Variants in MSRA observed in about 807,000 individuals in gnomAD.
The protein encoded by MSRA is methionine sulfoxide reductase A.
Under a neutral mutation model 31.3 loss-of-function variants are expected in MSRA, and 54 were observed. The observed-to-expected ratio is 1.73, with a 90% CI of 1.39 to 2.17. MSRA has a LOEUF of 2.17. Ranked by LOEUF, MSRA falls within the 30% of genes most tolerant of loss-of-function variation. MSRA has a pLI of 0.00. For synonymous variants in MSRA, 169 were observed against 116.5 expected, an observed-to-expected ratio of 1.45 and a Z score of -2.90; for missense variants, 507 against 300.9, an observed-to-expected ratio of 1.69 and a Z score of -5.07.
chr8:10,099,999 G>C (rs1799427913), intron 1 of MSRA, among the ~76,000 whole-genome samples: 1 of 152,208 alleles, frequency 6.6e-6, no homozygotes, highest in South Asian at 2.1e-4. Flanking sequence ...AGGGGATGGA[G>C]ACAGAGAAGG....
chr8:10,373,012 C>G (rs1030549273), intron 5 of MSRA, among the ~76,000 whole-genome samples: 2 of 152,226 alleles, frequency 1.3e-5, no homozygotes, highest in African/African-American at 4.8e-5. Flanking sequence ...GCCTCAGCCT[C>G]CCAAGTAGCT....
At chr8:10,397,902 G>A (rs1315694737) in intron 5 of MSRA, among the ~76,000 whole-genome samples, 2 of 152,180 alleles carry the variant, frequency 1.3e-5, no homozygotes, top group Admixed American at 6.5e-5. Context: ...ATAACAGCTT[G>A]TTGCAGGGAA....
At chr8:10,225,676 A>T (rs565434477) in intron 2 of MSRA, among the ~76,000 whole-genome samples, 1 of 152,086 alleles carries the variant, frequency 6.6e-6, no homozygotes, top group Admixed American at 6.6e-5. Context: ...TGATGGGCCG[A>T]TGTTCTTTAT....
chr8:10,104,886 C>A (rs1799778060), intron 1 of MSRA, among the ~76,000 whole-genome samples: 1 of 152,046 alleles, frequency 6.6e-6, no homozygotes, highest in Admixed American at 6.5e-5. Context: ...TTTCCAGTAC[C>A]CATTTATATT....
intron 5 of MSRA, among the ~76,000 whole-genome samples, chr8:10,371,297 A>T (rs1186745375): frequency 6.6e-6 from 1 of 152,038 alleles, no homozygotes; most frequent in Non-Finnish European, 1.5e-5. Flanking sequence ...ACACCCCTAT[A>T]TTATGGGAGA....
intron 1 of MSRA, among the ~76,000 whole-genome samples, chr8:10,074,490 G>A (rs1797901488): frequency 6.6e-6 from 1 of 152,038 alleles, no homozygotes; most frequent in Admixed American, 6.6e-5. Context: ...AAGTGAATAA[G>A]TTTTTTTGAT....
At chr8:10,411,627 C>A (rs1345382438) in intron 5 of MSRA, 1 of 152,216 alleles carries the variant, frequency 6.6e-6, no homozygotes, top group African/African-American at 2.4e-5. Context: ...ACAGATGTAA[C>A]CTGCCCTAGG....
At chr8:10,124,639 A>C (rs773976970) in intron 1 of MSRA, among the ~76,000 whole-genome samples, 1 of 152,218 alleles carries the variant, frequency 6.6e-6, no homozygotes, top group Non-Finnish European at 1.5e-5. Flanking sequence ...AATAGCTAAA[A>C]TTATTTTCAT....
At chr8:10,403,460 C>T (rs1807592171) in intron 5 of MSRA, among the ~76,000 whole-genome samples, 1 of 152,160 alleles carries the variant, frequency 6.6e-6, no homozygotes. Flanking sequence ...GTTCATGGGT[C>T]CTGGATGGCT....
chr8:10,247,857 G>A (rs1246258015), intron 3 of MSRA, among the ~76,000 whole-genome samples: 1 of 152,198 alleles, frequency 6.6e-6, no homozygotes, highest in Non-Finnish European at 1.5e-5. Flanking sequence ...CTCTGGCACA[G>A]AAGTGGTACA....
chr8:10,062,083 C>G (rs571709218), intron 1 of MSRA, among the ~76,000 whole-genome samples: 1 of 152,296 alleles, frequency 6.6e-6, no homozygotes, highest in South Asian at 2.1e-4. Context: ...GGGCATGGGT[C>G]TTATGAGGGT....
In MSRA at chr8:10,183,178, C is replaced by G. The variant is rs143097107; in HGVS notation, c.143-24655C>G. ...CTTGAGGACTATTTGCCTTCCTAGA[C>G]TTGGTACTCCCTTGACTCCCTCAGT... On this transcript the variant is annotated intron_variant, in intron 1 of 5. Transcript: ENST00000317173. 2.3e-3 allele frequency among the ~76,000 whole-genome samples: 349 copies of G among 152,250 alleles called. 2 individuals are homozygous for G. Among genetic ancestry groups the G allele is most frequent in the African/African-American group, 8.0e-3 (332 of 41,544 alleles).
At chr8:10,170,970 G>A (rs539043985) in intron 1 of MSRA, among the ~76,000 whole-genome samples, 18 of 152,326 alleles carry the variant, frequency 1.2e-4, no homozygotes, top group African/African-American at 2.6e-4. Flanking sequence ...TTGCATAGGC[G>A]TGGTGAGAGT....
At chr8:10,190,532 C>T (rs1463672988) in intron 1 of MSRA, among the ~76,000 whole-genome samples, 4 of 152,224 alleles carry the variant, frequency 2.6e-5, no homozygotes, top group African/African-American at 9.6e-5. Flanking sequence ...ACTTCTCAGC[C>T]GTCTGGTGGC....
At chr8:10,267,157 C>A (rs537225260) in intron 3 of MSRA, among the ~76,000 whole-genome samples, 5 of 152,200 alleles carry the variant, frequency 3.3e-5, no homozygotes, top group African/African-American at 1.2e-4. Context: ...TTACCCCACC[C>A]GCTCCCGGTT....
intron 4 of MSRA, among the ~76,000 whole-genome samples, chr8:10,313,408 T>G (rs1200983040): frequency 6.6e-6 from 1 of 152,032 alleles, no homozygotes; most frequent in Non-Finnish European, 1.5e-5. Flanking sequence ...CACTGGAATT[T>G]CAGGGTTTAC....
chr8:10,124,813 A>G (rs61021603), intron 1 of MSRA, among the ~76,000 whole-genome samples: 2 of 75,468 alleles, frequency 2.7e-5, no homozygotes, highest in East Asian at 1.0e-3. Flanking sequence ...TAATTGAATT[A>G]AATTGGGTAA....
At chr8:10,157,761 C>T (rs1018790845) in intron 1 of MSRA, among the ~76,000 whole-genome samples, 1 of 152,040 alleles carries the variant, frequency 6.6e-6, no homozygotes, top group Non-Finnish European at 1.5e-5. Flanking sequence ...CTCTCTCCCC[C>T]TCTCTCTGCC....
intron 1 of MSRA, among the ~76,000 whole-genome samples, chr8:10,195,274 T>C (rs960123454): frequency 6.6e-6 from 1 of 152,238 alleles, no homozygotes; most frequent in Non-Finnish European, 1.5e-5. Context: ...TGAGTCTCAC[T>C]CTGTCGCCCA....
Sources: gnomAD v4.1 joint callset for allele counts (sites outside exome capture counted in the v4.1 genomes callset) on GRCh38, gnomAD v4.1.1 for gene constraint, MANE v1.5 for transcripts, NCBI Gene and HGNC (gene_info 2026-07-23, HGNC 2026-07-21) for gene names.